The following SMARCAD1 variants were observed in gnomAD, a reference collection of about 807,000 sequenced individuals.
SMARCAD1 encodes the protein SNF2 related chromatin remodeling ATPase with DExD box 1.
SMARCAD1 carries 25 observed loss-of-function variants against 127.1 expected under a neutral mutation model. The ratio of observed to expected loss-of-function variants is 0.20; its 90% CI spans 0.14 to 0.27. SMARCAD1 has a LOEUF of 0.27. Among genes scored for constraint, SMARCAD1 ranks in the 10% least tolerant of loss-of-function variants. The probability of loss-of-function intolerance (pLI) is 1.00; values close to 1 mark genes in which losing one functional copy is unlikely to be tolerated. For missense variants in SMARCAD1, 807 were observed against 1,206.0 expected (o/e 0.67, Z 4.90); for synonymous variants, 400 against 396.9 (o/e 1.01, Z -0.09).
rs1430692509 is a variant in SMARCAD1 at position 94,264,718 on chromosome 4, G to A, written c.1293G>A (p.Met431Ile). 2 of 1,611,402 alleles carry A rather than the reference G, an allele frequency of 1.2e-6. No homozygotes were observed. The highest frequency in any genetic ancestry group is 1.3e-5 in the African/African-American group (1 of 74,822). Reference protein sequence around the residue: ...FNSWEALFTKMSKTNGLSEDL... With the variant: ...FNSWEALFTKISKTNGLSEDL... The stretch of plus-strand genomic sequence containing the variant: ...TTTTTATGCTATAGTTCACAAAGAT[G>A]TCCAAAACTAATGGCTTATCAGAAG... Residue 431 changes from methionine (M) to isoleucine (I), a missense_variant, in exon 10 of 24, where the codon ATG becomes ATA. Coordinates refer to ENST00000354268, the MANE Select transcript of SMARCAD1 (RefSeq NM_020159.5).
chr4:94,260,173 C>T (rs901123552), intron 9 of SMARCAD1, among the ~76,000 whole-genome samples: 1 of 152,034 alleles, frequency 6.6e-6, no homozygotes, highest in Non-Finnish European at 1.5e-5. Flanking sequence ...TTCTGTAAAA[C>T]GATCATTAGA....
intron 9 of SMARCAD1, among the ~76,000 whole-genome samples, chr4:94,258,618 T>G (rs1056542398): frequency 6.6e-6 from 1 of 152,214 alleles, no homozygotes; most frequent in African/African-American, 2.4e-5. Context: ...ATGCCACTTT[T>G]TTTATTCCAT....
At chr4:94,249,344 T>C (rs542347910) in intron 6 of SMARCAD1, among the ~76,000 whole-genome samples, 52 of 151,898 alleles carry the variant, frequency 3.4e-4, no homozygotes, top group African/African-American at 1.0e-3. Flanking sequence ...ATCAGTATAC[T>C]TGAATTATAT....
chr4:94,213,210 A>G (rs1377849901), intron 2 of SMARCAD1: 3 of 670,680 alleles, frequency 4.5e-6, no homozygotes, highest in Non-Finnish European at 6.5e-6. Context: ...ATAGGGCAAA[A>G]TACTAAGCAA....
At chr4:94,284,214 C>T (rs1171038087) in intron 22 of SMARCAD1, among the ~76,000 whole-genome samples, 1 of 149,206 alleles carries the variant, frequency 6.7e-6, no homozygotes, top group Non-Finnish European at 1.5e-5. Context: ...GTAGTCCCAG[C>T]TACTCGGGAA....
intron 9 of SMARCAD1, 50 bp from the exon 10 acceptor site, chr4:94,264,653 CCTTT>C (rs1751475259): frequency 1.3e-6 from 2 of 1,490,658 alleles, no homozygotes; most frequent in Non-Finnish European, 1.8e-6. Flanking sequence ...ATCAGGATTG[CCTTT>C]CTCTTTCCTA....
At chr4:94,231,765 A>T (rs978311999) in intron 3 of SMARCAD1, among the ~76,000 whole-genome samples, 26 of 152,018 alleles carry the variant, frequency 1.7e-4, no homozygotes, top group Admixed American at 1.4e-3. Flanking sequence ...ACATTTGGCT[A>T]TTAGGCTTCA....
intron 9 of SMARCAD1, chr4:94,253,513 T>C (rs1749598518): frequency 8.9e-7 from 1 of 1,129,578 alleles, no homozygotes; most frequent in South Asian, 2.1e-5. Context: ...CTTTTTTTCT[T>C]CTAAAAGTAA....
At chr4:94,272,963 A>G (rs183692806) in intron 11 of SMARCAD1, among the ~76,000 whole-genome samples, 9 of 151,540 alleles carry the variant, frequency 5.9e-5, no homozygotes, top group African/African-American at 1.2e-4. Context: ...ATGCGCCACC[A>G]TGCCTGGCTA....
In SMARCAD1 at chr4:94,289,776, A is replaced by G; in HGVS notation, c.*242A>G. 1.7e-6 allele frequency: 1 copy of G among 602,030 alleles called. No individual in the cohort carries two copies. Among genetic ancestry groups the G allele is most frequent in the Non-Finnish European group, 3.1e-6 (1 of 320,682 alleles). 37.3% of individuals were successfully genotyped at this position (602,030 alleles called of 1,614,324 possible). On this transcript the variant is annotated 3_prime_UTR_variant, in exon 24 of 24. Coordinates refer to ENST00000354268, the MANE Select transcript of SMARCAD1 (RefSeq NM_020159.5). ...GAAGATGTTGAATAATCATTTTACA[A>G]AGCAGTTTTCTGAATGGGGATTAGT...
chr4:94,245,251 C>T (rs1200995014), intron 6 of SMARCAD1, among the ~76,000 whole-genome samples: 1 of 152,206 alleles, frequency 6.6e-6, no homozygotes, highest in East Asian at 1.9e-4. Context: ...AAACATTCAG[C>T]AACTTGCTGC....
rs1232644367 is a variant in SMARCAD1, at chr4:94,208,980, A to AT, written c.190+398dup. 2.6e-5 allele frequency among the ~76,000 whole-genome samples: 4 copies of AT among 152,222 alleles called. No homozygotes were observed. The East Asian group carries it at 7.7e-4, about 29-fold the overall frequency. On this transcript the variant is annotated intron_variant, in intron 2 of 23. Coordinates refer to ENST00000354268, the MANE Select transcript of SMARCAD1 (RefSeq NM_020159.5). ...ATTGATCATCTACTGTGAGCTAGAC[A>AT]TTGAGCAAGGTGCCTAAAGACAACC... is the stretch of plus-strand genomic sequence containing the variant.
Position 94,274,726 on chromosome 4 carries a change from T to TGG in SMARCAD1, c.1673-12_1673-11insGG, listed in dbSNP as rs1261630247. On this transcript the variant is annotated splice_polypyrimidine_tract_variant and intron_variant, in intron 12 of 23. Coordinates refer to ENST00000354268, the MANE Select transcript of SMARCAD1 (RefSeq NM_020159.5). ...TGTAGCAGATGCAAATAATGTCTCT[T>TGG]CTGTTCCATAGATAACTGGTTAAGG... 6.2e-7 allele frequency: 1 copy of TGG among 1,612,634 alleles called. No individual in the cohort carries two copies. Among genetic ancestry groups the TGG allele is most frequent in the East Asian group, 2.2e-5 (1 of 44,874 alleles).
At chr4:94,273,745 A>C in intron 12 of SMARCAD1, 29 bp downstream of exon 12, 1 of 1,542,804 alleles carries the variant, frequency 6.5e-7, no homozygotes, top group Middle Eastern at 1.7e-4. Flanking sequence ...AACTGTATTT[A>C]ACTTTATCAT....
intron 3 of SMARCAD1, among the ~76,000 whole-genome samples, chr4:94,228,490 T>C (rs759508856): frequency 2.0e-5 from 3 of 152,194 alleles, no homozygotes; most frequent in Non-Finnish European, 4.4e-5. Flanking sequence ...TATTATCTAA[T>C]ATACTTTTCA....
intron 9 of SMARCAD1, among the ~76,000 whole-genome samples, chr4:94,255,721 C>T (rs1484287534): frequency 6.9e-6 from 1 of 145,726 alleles, no homozygotes; most frequent in African/African-American, 2.5e-5. Context: ...TAGTCACCCT[C>T]ATTTTACATG....
intron 2 of SMARCAD1, among the ~76,000 whole-genome samples, chr4:94,210,128 G>T (rs1000755778): frequency 6.6e-6 from 1 of 152,118 alleles, no homozygotes; most frequent in African/African-American, 2.4e-5. Context: ...ATATTTTTCT[G>T]TTTTTATTTC....
intron 5 of SMARCAD1, among the ~76,000 whole-genome samples, chr4:94,238,468 C>T (rs1747053204): frequency 6.6e-6 from 1 of 152,020 alleles, no homozygotes; most frequent in East Asian, 1.9e-4. Flanking sequence ...GTTTAAGGGT[C>T]ATCTGATGAT....
At position 94,274,758 on chromosome 4, in the gene SMARCAD1, A is replaced by C. The variant is rs370363007; in HGVS notation, c.1693A>C (p.Asn565His). 7.5e-5 allele frequency: 121 copies of C among 1,613,810 alleles called. No individual in the cohort carries two copies. Among genetic ancestry groups the C allele is most frequent in the Non-Finnish European group, 1.0e-4 (118 of 1,179,818 alleles). ...STIDNWLREV[N>H]LWCPTLKVLC... ...CATAGATAACTGGTTAAGGGAAGTT[A>C]ATTTATGGTGCCCTACTTTGAAGGT... The change falls in exon 13 of 24, where the codon AAT becomes CAT. Residue 565 changes from asparagine (N) to histidine (H), a missense_variant. Transcript: ENST00000354268.
Sources: allele counts gnomAD v4.1 joint callset (sites outside exome capture counted in the v4.1 genomes callset), GRCh38; gene constraint gnomAD v4.1.1; transcripts MANE v1.5; gene names NCBI Gene and HGNC (gene_info 2026-07-23, HGNC 2026-07-21).